The following LOXL2 variants were observed in gnomAD, a reference collection of about 807,000 sequenced individuals.
The protein encoded by LOXL2 is lysyl oxidase like 2, also known as lysyl oxidase homolog 2.
Under a neutral mutation model 93.0 loss-of-function variants are expected in LOXL2, and 70 were observed. The observed-to-expected ratio is 0.75, with a 90% confidence interval of 0.62 to 0.92. The LOEUF is 0.92. LOXL2 is among the 40% of genes least tolerant of loss of function. LOXL2 has a pLI of 0.00. For missense variants in LOXL2, 973 were observed against 1,054.9 expected, an observed-to-expected ratio of 0.92 and a Z score of 1.08; for synonymous variants, 438 against 413.2, an observed-to-expected ratio of 1.06 and a Z score of -0.73.
intron 1 of LOXL2, among the ~76,000 whole-genome samples, chr8:23,377,908 G>A (rs1230850319): frequency 6.6e-6 from 1 of 152,160 alleles, no homozygotes; most frequent in Non-Finnish European, 1.5e-5. Flanking sequence ...GCCAGTCTGT[G>A]TCTTTTAATT....
chr8:23,309,981 A>G (rs1008725353), intron 9 of LOXL2, 70 bp from the exon 10 acceptor site: 29 of 1,392,380 alleles, frequency 2.1e-5, no homozygotes, highest in Non-Finnish European at 2.7e-5. Flanking sequence ...CTGATTCTTG[A>G]GCTGGGACAA....
chr8:23,336,747 C>G (rs909403776), intron 4 of LOXL2: 1 of 152,216 alleles, frequency 6.6e-6, no homozygotes, highest in African/African-American at 2.4e-5. Context: ...AACCCATAAG[C>G]CCCCACTTTG....
In LOXL2 at chr8:23,317,560, GAGA is replaced by G. The variant is rs145602157; in HGVS notation, c.1471-449_1471-447del. On this transcript the variant is annotated intron_variant, in intron 8 of 13. Transcript: ENST00000389131. The stretch of plus-strand genomic sequence containing the variant: ...TACTGGTTGATTGGAAGTGGTGGGA[GAGA>G]AGAAGAAATCTATTTGCATAGGTCA... Among the ~76,000 whole-genome samples the G allele has an allele frequency of 7.7e-3, 1,173 of 152,352 alleles. 17 individuals are homozygous for G. The highest frequency in any genetic ancestry group is 0.027 in the African/African-American group (1,120 of 41,578).
chr8:23,302,000 G>A, intron 12 of LOXL2, 27 bp downstream of exon 12: 1 of 1,613,448 alleles, frequency 6.2e-7, no homozygotes, highest in Non-Finnish European at 8.5e-7. Context: ...CCCCTGCAGG[G>A]CTGGAACCCC....
At chr8:23,328,307 G>T in intron 6 of LOXL2, 75 bp downstream of exon 6, 2 of 1,512,352 alleles carry the variant, frequency 1.3e-6, no homozygotes, top group South Asian at 1.1e-5. Flanking sequence ...GAGAGCTCAC[G>T]GCCAGCAGCC....
chr8:23,298,121 A>G lies in LOXL2; in HGVS notation c.2247T>C (p.Gly749=). The change falls in exon 14 of 14, where the codon GGT becomes GGC. Residue 749 remains glycine (G), a splice_region_variant and synonymous_variant. Transcript: ENST00000389131. ...HRIWMYNCHI[G]GSFSEETEKK... ...TTTCCGTCTCTTCGCTGAAGGAACC[A>G]CCTGAAGAGCGAGAATCGGGTAGAG... is the stretch of plus-strand genomic sequence containing the variant. The G allele has an allele frequency of 6.2e-7, 1 of 1,612,690 alleles. No homozygotes were observed. Among genetic ancestry groups the G allele is most frequent in the Middle Eastern group, 1.8e-4 (1 of 5,582 alleles).
At chr8:23,334,695 C>T (rs1803761703) in intron 4 of LOXL2, among the ~76,000 whole-genome samples, 1 of 150,720 alleles carries the variant, frequency 6.6e-6, no homozygotes, top group African/African-American at 2.4e-5. Flanking sequence ...TTTTCTAAAA[C>T]AGTAACCAAC....
At chr8:23,375,079 G>A (rs926435444) in intron 1 of LOXL2, among the ~76,000 whole-genome samples, 4 of 152,084 alleles carry the variant, frequency 2.6e-5, no homozygotes, top group African/African-American at 7.3e-5. Context: ...ATGGTTTTAG[G>A]TCTAACATTT....
intron 9 of LOXL2, among the ~76,000 whole-genome samples, chr8:23,316,384 T>C (rs1803401796): frequency 1.3e-5 from 2 of 151,978 alleles, no homozygotes; most frequent in Non-Finnish European, 2.9e-5. Flanking sequence ...GAGGGCTGGG[T>C]TTGGGCTCAG....
At chr8:23,401,419 A>T (rs1800150288) in intron 1 of LOXL2, among the ~76,000 whole-genome samples, 1 of 152,202 alleles carries the variant, frequency 6.6e-6, no homozygotes, top group Admixed American at 6.6e-5. Flanking sequence ...TTAGGTCTAA[A>T]TATGGCATCA....
intron 1 of LOXL2, among the ~76,000 whole-genome samples, chr8:23,384,604 A>G (rs1804729997): frequency 6.6e-6 from 1 of 152,156 alleles, no homozygotes; most frequent in Admixed American, 6.5e-5. Context: ...AGGAAGGCAG[A>G]AGGAGGGAGT....
chr8:23,299,156 C>T (rs1374580664), intron 12 of LOXL2, among the ~76,000 whole-genome samples: 1 of 152,178 alleles, frequency 6.6e-6, no homozygotes, highest in Non-Finnish European at 1.5e-5. Flanking sequence ...AAGAGGGAAA[C>T]CCTGCCCTCT....
rs76595300 is a variant in LOXL2, at chr8:23,301,671, G to A, written c.2133+356C>T. 4.2e-3 allele frequency among the ~76,000 whole-genome samples: 636 copies of A among 152,284 alleles called. 3 individuals are homozygous for A. The highest frequency in any genetic ancestry group is 0.015 in the African/African-American group (603 of 41,560). ...CACTAGGAGAAATGGGGATGGTGGAGACAAGAGCTCCATAGGAGACAAGAG... is the reference window on the plus strand; with the variant it reads ...CACTAGGAGAAATGGGGATGGTGGAAACAAGAGCTCCATAGGAGACAAGAG... On this transcript the variant is annotated intron_variant, in intron 12 of 13. Coordinates refer to ENST00000389131, the MANE Select transcript of LOXL2 (RefSeq NM_002318.3).
chr8:23,346,113 AAATT>A (rs1452343793), intron 3 of LOXL2, among the ~76,000 whole-genome samples: 1 of 80,572 alleles, frequency 1.2e-5, no homozygotes, highest in African/African-American at 5.1e-5. Context: ...AAATAAAATA[AAATT>A]AAAATAAAAT....
In LOXL2 at chr8:23,328,511, C is replaced by T; in HGVS notation, c.1021G>A (p.Val341Met). The T allele has an allele frequency of 6.2e-7, 1 of 1,614,112 alleles. No individual in the cohort carries two copies. The highest frequency in any genetic ancestry group is 8.5e-7 in the Non-Finnish European group (1 of 1,180,006). ...GAYIGEGRVE[V>M]LKNGEWGTVC... ...GTCCCCCATTCTCCATTTTTGAGCA[C>T]CTCCACGCGGCCCTCCCCGATGTAG... The change falls in exon 6 of 14, where the codon GTG (valine) becomes ATG (methionine). Residue 341 changes from valine to methionine, a missense_variant. Val to Met is a conservative substitution (Grantham distance 21, BLOSUM62 1). Coordinates refer to ENST00000389131, the MANE Select transcript of LOXL2 (RefSeq NM_002318.3).
chr8:23,334,653 C>T (rs1458563493), intron 4 of LOXL2, among the ~76,000 whole-genome samples: 2 of 151,056 alleles, frequency 1.3e-5, no homozygotes, highest in African/African-American at 2.4e-5. Context: ...TTTTTAAAGG[C>T]AGAATATAGA....
chr8:23,379,829 C>A (rs965639748), intron 1 of LOXL2, among the ~76,000 whole-genome samples: 2 of 152,108 alleles, frequency 1.3e-5, no homozygotes, highest in Non-Finnish European at 2.9e-5. Flanking sequence ...TTTCCAGGTG[C>A]CATCTGTCAG....
chr8:23,321,961 G>C (rs2117159920), intron 7 of LOXL2, 169 bp downstream of exon 7: 1 of 721,624 alleles, frequency 1.4e-6, no homozygotes, highest in Non-Finnish European at 2.3e-6. Context: ...CCGGGCCAGG[G>C]CCAGGCCCGA....
At chr8:23,355,552 C>G (rs1014680356) in intron 3 of LOXL2, among the ~76,000 whole-genome samples, 2 of 118,280 alleles carry the variant, frequency 1.7e-5, no homozygotes, top group African/African-American at 6.6e-5. Flanking sequence ...GCAGCCCTAT[C>G]ATACTCTTGG....
Sources: allele counts gnomAD v4.1 joint callset (sites outside exome capture counted in the v4.1 genomes callset), GRCh38; gene constraint gnomAD v4.1.1; transcripts MANE v1.5; gene names NCBI Gene and HGNC (gene_info 2026-07-23, HGNC 2026-07-21).